DGKG: variants seen among roughly 807,000 people sequenced by gnomAD.
DGKG encodes diacylglycerol kinase gamma.
A neutral mutation model predicts 105.3 loss-of-function variants in DGKG; 78 were observed. The observed-to-expected ratio is 0.74, with a 90% CI of 0.62 to 0.89. DGKG has a LOEUF of 0.89. DGKG is among the 40% of genes least tolerant of loss of function. DGKG has a pLI of 0.00. For missense variants in DGKG, 958 were observed against 1,020.1 expected (o/e 0.94, Z 0.83); for synonymous variants, 346 against 367.1 (o/e 0.94, Z 0.66).
intron 1 of DGKG, among the ~76,000 whole-genome samples, chr3:186,353,656 G>A (rs11924809): frequency 0.05 from 5,848 of 115,966 alleles, 367 homozygotes; most frequent in African/African-American, 0.17. Flanking sequence ...CTATGTCTAT[G>A]TCTATATCTA....
At chr3:186,287,204 T>C (rs1010016446) in intron 6 of DGKG, among the ~76,000 whole-genome samples, 1 of 152,004 alleles carries the variant, frequency 6.6e-6, no homozygotes, top group African/African-American at 2.4e-5. Context: ...ATTGGAAAAA[T>C]GTGAATACTG....
chr3:186,148,001 C>G lies in DGKG; in HGVS notation c.*2089G>C. ...GATCTTGCTCCTAGGTGGTCCTTCA[C>G]AGTTAAGTGCCATTTGTACACACAA... On this transcript the variant is annotated 3_prime_UTR_variant, in exon 25 of 25. Transcript: ENST00000265022. 1.0e-6 allele frequency: 1 copy of G among 985,444 alleles called. No individual in the cohort carries two copies. The highest frequency in any genetic ancestry group is 1.2e-6 in the Non-Finnish European group (1 of 829,946). 61.0% of individuals were successfully genotyped at this position (985,444 alleles called of 1,614,324 possible).
chr3:186,194,735 T>C (rs1560089388), intron 21 of DGKG, among the ~76,000 whole-genome samples: 1 of 148,832 alleles, frequency 6.7e-6, no homozygotes, highest in African/African-American at 2.5e-5. Context: ...GAATTTTCTC[T>C]TTCTTGGGTA....
chr3:186,355,713 A>T (rs1487695939), intron 1 of DGKG, among the ~76,000 whole-genome samples: 1 of 150,880 alleles, frequency 6.6e-6, no homozygotes, highest in African/African-American at 2.4e-5. Context: ...CAGCACCAGC[A>T]CCAGCACCAG....
At chr3:186,344,527 AATG>A (rs1485552073) in intron 1 of DGKG, among the ~76,000 whole-genome samples, 1 of 152,362 alleles carries the variant, frequency 6.6e-6, no homozygotes, top group Non-Finnish European at 1.5e-5. Flanking sequence ...GTGGGAGCTA[AATG>A]ATAAGAACTT....
intron 24 of DGKG, chr3:186,160,394 T>C (rs1378579082): frequency 1.0e-6 from 1 of 985,228 alleles, no homozygotes; most frequent in East Asian, 1.1e-4. Context: ...TCAACTCAGT[T>C]CCATCAAATG....
At chr3:186,220,892 T>C (rs1280137917) in intron 20 of DGKG, among the ~76,000 whole-genome samples, 2 of 152,194 alleles carry the variant, frequency 1.3e-5, no homozygotes, top group South Asian at 2.1e-4. Context: ...ACATTCTCCA[T>C]TGATAGGATC....
At chr3:186,340,305 C>T (rs1726027959) in intron 1 of DGKG, among the ~76,000 whole-genome samples, 1 of 152,090 alleles carries the variant, frequency 6.6e-6, no homozygotes, top group Non-Finnish European at 1.5e-5. Context: ...GAAACATCTG[C>T]TTGCAGGGGT....
At chr3:186,296,112 C>CAAAAAAAAAAAAA (rs36070727) in intron 5 of DGKG, among the ~76,000 whole-genome samples, 104 of 143,322 alleles carry the variant, frequency 7.3e-4, no homozygotes, top group African/African-American at 2.6e-3. Context: ...TTATCTCAGA[C>CAAAAAAAAAAAAA]AAAAAAAAAA....
chr3:186,242,466 A>G, intron 20 of DGKG, 38 bp downstream of exon 20: 4 of 1,574,266 alleles, frequency 2.5e-6, no homozygotes, highest in Non-Finnish European at 2.6e-6. Context: ...CCAGGGCCAC[A>G]CTGGGTGGGT....
intron 2 of DGKG, among the ~76,000 whole-genome samples, chr3:186,309,922 T>A: frequency 6.6e-6 from 1 of 150,844 alleles, no homozygotes. Flanking sequence ...AAGAAAAAAA[T>A]AGAAAAGACA....
intron 22 of DGKG, among the ~76,000 whole-genome samples, chr3:186,178,658 G>A (rs741485): frequency 6.6e-6 from 1 of 152,124 alleles, no homozygotes; most frequent in Non-Finnish European, 1.5e-5. Flanking sequence ...TCTTGCAGAA[G>A]GGAGTGGGAG....
chr3:186,283,600 G>A (rs1365850599), intron 7 of DGKG, among the ~76,000 whole-genome samples: 1 of 152,166 alleles, frequency 6.6e-6, no homozygotes, highest in Non-Finnish European at 1.5e-5. Context: ...ATGCTGCTTA[G>A]TGTCTGTGCT....
At chr3:186,340,624 T>C (rs1470371382) in intron 1 of DGKG, among the ~76,000 whole-genome samples, 1 of 152,228 alleles carries the variant, frequency 6.6e-6, no homozygotes, top group Non-Finnish European at 1.5e-5. Flanking sequence ...TTCATTCCTC[T>C]AACCACTTGC....
At chr3:186,204,441 T>C (rs1480409933) in intron 21 of DGKG, among the ~76,000 whole-genome samples, 1 of 152,116 alleles carries the variant, frequency 6.6e-6, no homozygotes, top group African/African-American at 2.4e-5. Context: ...TGGTTTAGAT[T>C]GGAATAGCTA....
At position 186,320,467 on chromosome 3, in the gene DGKG, C is replaced by T. The variant is rs1560153210; in HGVS notation, c.-8G>A. ...CCACCGTTCTTCACCCATTTTTAAA[C>T]TTTATGTGAGTGGCTAAAGGGCAGT... On this transcript the variant is annotated 5_prime_UTR_variant, in exon 2 of 25. Coordinates refer to ENST00000265022, the MANE Select transcript of DGKG (RefSeq NM_001346.3). 1 of 1,614,184 alleles carries T rather than the reference C, an allele frequency of 6.2e-7. No homozygotes were observed. Among genetic ancestry groups the T allele is most frequent in the African/African-American group, 1.3e-5 (1 of 75,050 alleles).
intron 9 of DGKG, among the ~76,000 whole-genome samples, chr3:186,277,478 C>T (rs1484010338): frequency 1.3e-5 from 2 of 152,208 alleles, no homozygotes; most frequent in Admixed American, 6.5e-5. Context: ...TCTTTCCATC[C>T]TGCTCCTCTA....
intron 3 of DGKG, among the ~76,000 whole-genome samples, chr3:186,302,550 A>G (rs1211607270): frequency 1.8e-4 from 6 of 33,466 alleles, no homozygotes; most frequent in East Asian, 1.5e-3. Context: ...ATATATATAT[A>G]TATATATACA....
chr3:186,256,289 G>T (rs1721468067), intron 17 of DGKG, among the ~76,000 whole-genome samples: 1 of 152,196 alleles, frequency 6.6e-6, no homozygotes, highest in Admixed American at 6.5e-5. Context: ...CCAGCTAGGT[G>T]GTCTACTTAC....
Sources: allele counts gnomAD v4.1 joint callset (sites outside exome capture counted in the v4.1 genomes callset), GRCh38; gene constraint gnomAD v4.1.1; transcripts MANE v1.5; gene names NCBI Gene and HGNC (gene_info 2026-07-23, HGNC 2026-07-21).